Variants in GPHN observed in about 807,000 individuals in gnomAD.
The protein encoded by GPHN is gephyrin.
A neutral mutation model predicts 95.5 loss-of-function variants in GPHN; 17 were observed. The observed-to-expected ratio is 0.18, with a 90% CI of 0.12 to 0.27. GPHN has a LOEUF of 0.27. GPHN is among the 10% of genes least tolerant of loss of function. The pLI is 1.00. For missense variants in GPHN, 660 were observed against 978.1 expected, an observed-to-expected ratio of 0.67 and a Z score of 4.34; for synonymous variants, 320 against 322.5, an observed-to-expected ratio of 0.99 and a Z score of 0.08.
the GPHN span, chr14:67,441,944 C>T: frequency 1.3e-5 from 2 of 153,930 alleles, no homozygotes; most frequent in Non-Finnish European, 2.9e-5. Flanking sequence ...AAATATCTAT[C>T]TCCTTCCTAT....
intron 2 of GPHN, among the ~76,000 whole-genome samples, chr14:66,691,512 T>A (rs923780059): frequency 1.2e-4 from 18 of 152,240 alleles, no homozygotes; most frequent in East Asian, 9.6e-4. Context: ...TTAAAAAAAA[T>A]TTTTAATGAA....
chr14:67,144,268 TATATATATATATATATATAC>T lies in GPHN; in HGVS notation c.1836+821_1836+840del, dbSNP rs1347253428. Among the ~76,000 whole-genome samples, 62 of 105,792 alleles carry T rather than the reference TATATATATATATATATATAC, an allele frequency of 5.9e-4. 2 individuals carry two copies. Among genetic ancestry groups the T allele is most frequent in the African/African-American group, 2.4e-3 (60 of 24,960 alleles). The allele number at this position is 105,792 out of a possible 152,430, so 69.4% of individuals were successfully genotyped here. A position where few individuals can be genotyped will look rare whatever the true frequency, so the allele number is the denominator to read the frequency against. On this transcript the variant is annotated intron_variant, in intron 18 of 22. Coordinates refer to ENST00000478722, the MANE Select transcript of GPHN (RefSeq NM_020806.5). ...AAAAAAAAATATATATATATATATA[TATATATATATATATATATAC>T]ACACACACATACACAAATATTTTAT...
At chr14:67,347,523 C>T in the GPHN span, 58 of 1,227,016 alleles carry the variant, frequency 4.7e-5, no homozygotes, top group South Asian at 7.1e-5. Context: ...TTTTCTGAGA[C>T]GGAGTTTTGC....
the GPHN span, chr14:67,340,292 G>T: frequency 1.5e-6 from 1 of 653,552 alleles, no homozygotes; most frequent in Non-Finnish European, 2.6e-6. Flanking sequence ...CACAACTTCT[G>T]GTAATAATAT....
the GPHN span, chr14:67,411,919 G>C: frequency 1.8e-6 from 2 of 1,142,028 alleles, no homozygotes; most frequent in South Asian, 1.5e-5. Flanking sequence ...ATGGGAACCA[G>C]AGCATGCCCG....
At chr14:66,836,663 A>G (rs1458759187) in intron 4 of GPHN, among the ~76,000 whole-genome samples, 1 of 144,924 alleles carries the variant, frequency 6.9e-6, no homozygotes, top group Non-Finnish European at 1.5e-5. Context: ...GGCAACCTAC[A>G]AAATGGGAGA....
intron 1 of GPHN, among the ~76,000 whole-genome samples, chr14:66,580,944 A>C (rs962106388): frequency 2.6e-5 from 4 of 151,866 alleles, no homozygotes; most frequent in Admixed American, 1.3e-4. Flanking sequence ...CAATACATGA[A>C]AAACATCATA....
At chr14:67,159,192 A>G (rs2081815425) in intron 18 of GPHN, among the ~76,000 whole-genome samples, 1 of 152,210 alleles carries the variant, frequency 6.6e-6, no homozygotes, top group Non-Finnish European at 1.5e-5. Context: ...CCCTACACAT[A>G]GACTGGTACT....
intron 2 of GPHN, among the ~76,000 whole-genome samples, chr14:66,752,393 T>A (rs1410935194): frequency 6.6e-6 from 1 of 152,130 alleles, no homozygotes; most frequent in Non-Finnish European, 1.5e-5. Flanking sequence ...TGATTTAAAG[T>A]GAGAGATATG....
chr14:67,305,208 A>G, the GPHN span, among the ~76,000 whole-genome samples: 1 of 152,198 alleles, frequency 6.6e-6, no homozygotes, highest in Non-Finnish European at 1.5e-5. Context: ...ATATACTCCT[A>G]CTTACTTATC....
chr14:67,309,722 C>T, the GPHN span, among the ~76,000 whole-genome samples: 2 of 152,196 alleles, frequency 1.3e-5, no homozygotes, highest in African/African-American at 4.8e-5. Flanking sequence ...GATTGCTGTA[C>T]CTAATAATTA....
At chr14:66,747,789 TAAATA>T (rs1429681633) in intron 2 of GPHN, among the ~76,000 whole-genome samples, 1 of 152,134 alleles carries the variant, frequency 6.6e-6, no homozygotes, top group African/African-American at 2.4e-5. Context: ...TTACATAAAT[TAAATA>T]AGCAATTTGT....
In GPHN at chr14:67,179,570, T is replaced by C. The variant is rs2083212747; in HGVS notation, c.2080-8T>C. On this transcript the variant is annotated splice_region_variant and splice_polypyrimidine_tract_variant and intron_variant, in intron 21 of 22. Transcript: ENST00000478722. ...CAAGTTTGTTTTCTTTTCTACTTTATTCTGTAGTTATCATGTGATGTAAAA... is the reference window on the plus strand; with the variant it reads ...CAAGTTTGTTTTCTTTTCTACTTTACTCTGTAGTTATCATGTGATGTAAAA... 1.3e-6 allele frequency: 2 copies of C among 1,522,328 alleles called. No homozygotes were observed. The highest frequency in any genetic ancestry group is 1.8e-6 in the Non-Finnish European group (2 of 1,096,446). 94.3% of individuals were successfully genotyped at this position (1,522,328 alleles called of 1,614,324 possible).
At chr14:66,602,831 G>A (rs1168673342) in intron 1 of GPHN, among the ~76,000 whole-genome samples, 3 of 151,798 alleles carry the variant, frequency 2.0e-5, no homozygotes, top group Non-Finnish European at 4.4e-5. Context: ...ATCACATAGT[G>A]TTCAACAAAA....
the GPHN span, among the ~76,000 whole-genome samples, chr14:67,402,361 A>T: frequency 0.014 from 2,154 of 152,294 alleles, 22 homozygotes; most frequent in Middle Eastern, 0.034. Context: ...TACATTGCAT[A>T]ATAATCACAT....
At chr14:67,086,213 A>G (rs2076875754) in intron 11 of GPHN, among the ~76,000 whole-genome samples, 1 of 152,314 alleles carries the variant, frequency 6.6e-6, no homozygotes, top group East Asian at 1.9e-4. Context: ...TTTTGGATGT[A>G]TACCTGGAAA....
At chr14:67,688,303 G>C in the GPHN span, among the ~76,000 whole-genome samples, 2 of 152,124 alleles carry the variant, frequency 1.3e-5, no homozygotes, top group African/African-American at 4.8e-5. Context: ...TCCAGATGTT[G>C]TTAAGGAAAT....
the GPHN span, among the ~76,000 whole-genome samples, chr14:67,215,403 A>G: frequency 3.6e-5 from 5 of 137,652 alleles, no homozygotes; most frequent in African/African-American, 1.5e-4. Context: ...ACACTGATCT[A>G]TTGTTTTTTT....
At position 66,804,127 on chromosome 14, in the gene GPHN, G is replaced by A. The variant is rs567268374; in HGVS notation, c.202-20347G>A. 5.4e-4 allele frequency among the ~76,000 whole-genome samples: 82 copies of A among 152,128 alleles called. 3 individuals carry two copies. The highest frequency in any genetic ancestry group is 1.9e-3 in the African/African-American group (80 of 41,500). ...ATTGGCCATAGGTGACTTAATCATAGAACATTCCTCCTTCTTCTGTAGGCA... is the reference window on the plus strand; with the variant it reads ...ATTGGCCATAGGTGACTTAATCATAAAACATTCCTCCTTCTTCTGTAGGCA... On this transcript the variant is annotated intron_variant, in intron 3 of 22. Transcript: ENST00000478722.
Sources: allele counts gnomAD v4.1 joint callset (sites outside exome capture counted in the v4.1 genomes callset), GRCh38; gene constraint gnomAD v4.1.1; transcripts MANE v1.5; gene names NCBI Gene and HGNC (gene_info 2026-07-23, HGNC 2026-07-21).